GNAS-AS1: variants seen among roughly 807,000 people sequenced by gnomAD.
GNAS-AS1 encodes GNAS antisense RNA 1.
intron 4 of GNAS-AS1, among the ~76,000 whole-genome samples, chr20:58,819,704 T>C (rs1483117442): frequency 1.3e-5 from 2 of 152,146 alleles, no homozygotes; most frequent in African/African-American, 4.8e-5. Context: ...AGGGCTATGG[T>C]GCTCCACTGA....
chr20:58,842,120 T>G, exon 4 of GNAS-AS1: 1 of 399,512 alleles, frequency 2.5e-6, no homozygotes, highest in Non-Finnish European at 4.4e-6. Flanking sequence ...GTTTAATCTG[T>G]AACCTGGAGG....
exon 1 of GNAS-AS1, chr20:58,850,758 C>T (rs1261867047): frequency 2.3e-5 from 9 of 398,720 alleles, no homozygotes; most frequent in Middle Eastern, 6.2e-4. Flanking sequence ...CCCCGAGGCT[C>T]GGCAACCTGT....
chr20:58,840,255 C>A lies in GNAS-AS1; in HGVS notation n.819+1682G>T. 1 of 1,611,598 alleles carries A rather than the reference C, an allele frequency of 6.2e-7. No homozygotes were observed. The highest frequency in any genetic ancestry group is 8.5e-7 in the Non-Finnish European group (1 of 1,179,858). ...CTCCGCGCCCTTGCCACCTCCAACG[C>A]CCGTGCCCAGCAGCGCGCGGCTGCC... On this transcript the variant is annotated intron_variant and non_coding_transcript_variant, in intron 4 of 4. Transcript: ENST00000424094. This position sits in a 1 kb window ranked among gnomAD's most constrained non-coding sequence, Gnocchi z 6.0.
At chr20:58,835,532 A>T (rs1218265675) in intron 4 of GNAS-AS1, among the ~76,000 whole-genome samples, 1 of 152,096 alleles carries the variant, frequency 6.6e-6, no homozygotes, top group Non-Finnish European at 1.5e-5. Context: ...CTAGGTAAAG[A>T]CTCATCTCTT....
chr20:58,824,465 C>T (rs2085506833), intron 4 of GNAS-AS1, among the ~76,000 whole-genome samples: 2 of 152,232 alleles, frequency 1.3e-5, no homozygotes, highest in Admixed American at 6.5e-5. Flanking sequence ...GCAGCTCAGC[C>T]TCAAAACAAC....
intron 4 of GNAS-AS1, among the ~76,000 whole-genome samples, chr20:58,830,528 CATCATACCATCA>C: frequency 1.3e-3 from 2 of 1,588 alleles, no homozygotes; most frequent in Non-Finnish European, 3.4e-3. Flanking sequence ...ACCACACCAC[CATCATACCATCA>C]GCACCACCAT....
chr20:58,823,775 C>T (rs1289949719), intron 4 of GNAS-AS1, among the ~76,000 whole-genome samples: 3 of 152,230 alleles, frequency 2.0e-5, no homozygotes, highest in Non-Finnish European at 4.4e-5. Flanking sequence ...CAATGATCAA[C>T]TTGGGAGTCG....
At chr20:58,844,443 C>A (rs1486206694) in intron 2 of GNAS-AS1, among the ~76,000 whole-genome samples, 1 of 152,156 alleles carries the variant, frequency 6.6e-6, no homozygotes, top group Non-Finnish European at 1.5e-5. Flanking sequence ...ACTCTATTTC[C>A]TATAACTTGA....
At chr20:58,845,621 G>T (rs2085914976) in intron 2 of GNAS-AS1, among the ~76,000 whole-genome samples, 1 of 151,756 alleles carries the variant, frequency 6.6e-6, no homozygotes, top group African/African-American at 2.4e-5. Flanking sequence ...CATATCAAAA[G>T]GCCATATGTG....
rs1181151945 is a variant in GNAS-AS1, at chr20:58,840,337, T to C, written n.819+1600A>G. The stretch of plus-strand genomic sequence containing the variant: ...ACCGCTCCGGCGCCCAGGTATTCCC[T>C]GAGTCCCCCGAATCGGAATCTGACC... On this transcript the variant is annotated intron_variant and non_coding_transcript_variant, in intron 4 of 4. Transcript: ENST00000424094. This position sits in a 1 kb window ranked among gnomAD's most constrained non-coding sequence, Gnocchi z 6.0. 2 of 1,612,950 alleles carry C rather than the reference T, an allele frequency of 1.2e-6. No homozygotes were observed. Among genetic ancestry groups the C allele is most frequent in the Admixed American group, 1.7e-5 (1 of 60,010 alleles).
intron 4 of GNAS-AS1, among the ~76,000 whole-genome samples, chr20:58,828,382 C>T (rs1279018608): frequency 6.6e-6 from 1 of 152,228 alleles, no homozygotes; most frequent in East Asian, 1.9e-4. Flanking sequence ...ATCAAGGGGG[C>T]TGACATCTGA....
chr20:58,840,745 G>A lies in GNAS-AS1; in HGVS notation n.819+1192C>T, dbSNP rs745982259. The A allele has an allele frequency of 8.4e-5, 135 of 1,605,742 alleles. No homozygotes were observed. Among genetic ancestry groups the A allele is most frequent in the Admixed American group, 2.2e-4 (13 of 59,800 alleles). On this transcript the variant is annotated intron_variant and non_coding_transcript_variant, in intron 4 of 4. Transcript: ENST00000424094. This position sits in a 1 kb window ranked among gnomAD's most constrained non-coding sequence, Gnocchi z 6.0. The stretch of plus-strand genomic sequence containing the variant: ...AAGAGTCGAAGGAGCCCAAGGAGGA[G>A]AAGCAGCGGCGTCGCTGCAAGCCAA...
At chr20:58,839,676 T>G (rs2085649875) in intron 4 of GNAS-AS1, 2 of 454,466 alleles carry the variant, frequency 4.4e-6, no homozygotes, top group Non-Finnish European at 7.7e-6. Context: ...CCCCACCTCC[T>G]TACTGCACAT....
chr20:58,829,073 A>T (rs1185985946), intron 4 of GNAS-AS1, among the ~76,000 whole-genome samples: 2 of 151,296 alleles, frequency 1.3e-5, no homozygotes, highest in African/African-American at 4.9e-5. Context: ...CCACCACCCC[A>T]CTCAACATGG....
At chr20:58,849,012 G>T (rs996833086) in intron 1 of GNAS-AS1, 5 of 397,526 alleles carry the variant, frequency 1.3e-5, no homozygotes, top group Middle Eastern at 6.4e-4. Flanking sequence ...TTAAATTAAG[G>T]CAATTCCTAT....
intron 4 of GNAS-AS1, among the ~76,000 whole-genome samples, chr20:58,833,159 A>G (rs1222926959): frequency 1.3e-5 from 2 of 152,242 alleles, no homozygotes; most frequent in Admixed American, 1.3e-4. Flanking sequence ...ACATGCCTCA[A>G]TGCCTTTTCT....
intron 4 of GNAS-AS1, among the ~76,000 whole-genome samples, chr20:58,819,838 G>T (rs13042402): frequency 2.0e-5 from 3 of 151,974 alleles, no homozygotes; most frequent in Non-Finnish European, 4.4e-5. Flanking sequence ...CCTTTGTCAC[G>T]GACAAAAAAC....
intron 4 of GNAS-AS1, among the ~76,000 whole-genome samples, chr20:58,829,106 C>T (rs2085539288): frequency 6.6e-6 from 1 of 152,218 alleles, no homozygotes; most frequent in South Asian, 2.1e-4. Context: ...CCTCCTGCTA[C>T]CTCACACCTG....
At position 58,841,197 on chromosome 20, in the gene GNAS-AS1, G is replaced by T; in HGVS notation, n.819+740C>A. ...TGAATCCCGAACGCACCCCAGATTT[G>T]GAGCTGCACACCCAAACGGCATTGG... is the stretch of plus-strand genomic sequence containing the variant. On this transcript the variant is annotated intron_variant and non_coding_transcript_variant, in intron 4 of 4. Transcript: ENST00000424094. The surrounding 1 kb of genome is among the most constrained non-coding windows in gnomAD (Gnocchi z 5.0). 3 of 567,424 alleles carry T rather than the reference G, an allele frequency of 5.3e-6. No individual in the cohort carries two copies. Among genetic ancestry groups the T allele is most frequent in the South Asian group, 2.6e-5 (1 of 38,748 alleles). The allele number at this position is 567,424 out of a possible 1,614,324, so 35.1% of individuals were successfully genotyped here.
Sources: gnomAD v4.1 joint callset for allele counts (sites outside exome capture counted in the v4.1 genomes callset) on GRCh38, gnomAD v4.1.1 for gene constraint, Gnocchi (gnomAD v3.1) non-coding constraint, MANE v1.5 for transcripts, NCBI Gene and HGNC (gene_info 2026-07-23, HGNC 2026-07-21) for gene names.